The following ACOX2 variants were observed in gnomAD, a reference collection of about 807,000 sequenced individuals.
ACOX2 encodes peroxisomal acyl-coenzyme A oxidase 2.
ACOX2 carries 59 observed loss-of-function variants against 77.5 expected under a neutral mutation model. The observed-to-expected ratio is 0.76, with a 90% CI of 0.62 to 0.95. The LOEUF is 0.95. ACOX2 is among the 40% of genes least tolerant of loss of function. ACOX2 has a pLI of 0.00. For synonymous variants in ACOX2, 317 were observed against 340.1 expected, an observed-to-expected ratio of 0.93 and a Z score of 0.75; for missense variants, 837 against 880.4, an observed-to-expected ratio of 0.95 and a Z score of 0.62.
Position 58,524,509 on chromosome 3 carries a change from G to A in ACOX2, c.1443C>T (p.Asp481=). 2.5e-6 allele frequency: 4 copies of A among 1,614,240 alleles called. No individual in the cohort carries two copies. ...CCCTCTGGGCTGGACACCTGGCCAG[G>A]TCAGGTGCGGTGAGATATGCGACAG... ...SPSVAYLTAP[D]LARCPAQRAA... The change falls in exon 11 of 15, where the codon GAC becomes GAT. Residue 481 remains aspartate, a synonymous_variant. Transcript: ENST00000302819. The surrounding 1 kb of genome is among the most constrained non-coding windows in gnomAD (Gnocchi z 5.5).
chr3:58,534,362 G>C lies in ACOX2; in HGVS notation c.321C>G (p.Tyr107Ter). 6.2e-7 allele frequency: 1 copy of C among 1,614,202 alleles called. No individual in the cohort carries two copies. Among genetic ancestry groups the C allele is most frequent in the Non-Finnish European group, 8.5e-7 (1 of 1,180,030 alleles). The change falls in exon 3 of 15, where the codon TAC becomes TAG. Residue 107 changes from tyrosine to a stop codon, truncating the protein, a stop_gained and splice_region_variant. Transcript: ENST00000302819. LOFTEE classifies it high-confidence loss of function. This position sits in a 1 kb window ranked among gnomAD's most constrained non-coding sequence, Gnocchi z 4.8. The part of the protein sequence containing the change: ...LEDGRELGYA[Y>*]RALSGDVALN... The stretch of plus-strand genomic sequence containing the variant: ...GGGGCTGCTCGAGGAGTGAGCACCT[G>C]TAAGCGTAGCCTAATTCACGACCAT...
At chr3:58,511,191 A>G in intron 13 of ACOX2, 7 of 338,978 alleles carry the variant, frequency 2.1e-5, no homozygotes, top group South Asian at 1.1e-4. Context: ...CCTCTTGCAT[A>G]CTGGAGAACA....
chr3:58,516,095 C>A (rs1359085985), intron 13 of ACOX2, among the ~76,000 whole-genome samples: 1 of 152,032 alleles, frequency 6.6e-6, no homozygotes, highest in Non-Finnish European at 1.5e-5. Flanking sequence ...TGTGAAAGCA[C>A]TGCATTAGTA....
At position 58,514,451 on chromosome 3, in the gene ACOX2, C is replaced by A. The variant is rs1014061129; in HGVS notation, c.1850+2755G>T. 2.0e-5 allele frequency among the ~76,000 whole-genome samples: 3 copies of A among 152,188 alleles called. No homozygotes were observed. The highest frequency in any genetic ancestry group is 7.2e-5 in the African/African-American group (3 of 41,444). On this transcript the variant is annotated intron_variant, in intron 13 of 14. Transcript: ENST00000302819. The surrounding 1 kb of genome is among the most constrained non-coding windows in gnomAD (Gnocchi z 4.3). ...ACTAAAAACTGTTTGGGTCAGTTAA[C>A]ATTGCAGAGAGCTTGTTCTTGGCAT...
Position 58,526,415 on chromosome 3 carries a change from T to G in ACOX2, c.1346+51A>C. The G allele has an allele frequency of 6.5e-7, 1 of 1,540,552 alleles. No individual in the cohort carries two copies. Among genetic ancestry groups the G allele is most frequent in the Non-Finnish European group, 8.8e-7 (1 of 1,140,818 alleles). Reference sequence around the variant, plus strand: ...CGGAACCCTCCACCCAACAGAAGCTTGGTGGGTCCCCAAGGGCTTGGGCAA... The same window carrying G: ...CGGAACCCTCCACCCAACAGAAGCTGGGTGGGTCCCCAAGGGCTTGGGCAA... On this transcript the variant is annotated intron_variant, in intron 10 of 14. Transcript: ENST00000302819. The surrounding 1 kb of genome is among the most constrained non-coding windows in gnomAD (Gnocchi z 4.3).
chr3:58,531,133 T>G lies in ACOX2; in HGVS notation c.819+118A>C. 1.2e-6 allele frequency: 1 copy of G among 825,038 alleles called. No homozygotes were observed. Among genetic ancestry groups the G allele is most frequent in the Non-Finnish European group, 1.9e-6 (1 of 523,798 alleles). The allele number at this position is 825,038 out of a possible 1,614,324, so 51.1% of individuals were successfully genotyped here. On this transcript the variant is annotated intron_variant, in intron 7 of 14. Coordinates refer to ENST00000302819, the MANE Select transcript of ACOX2 (RefSeq NM_003500.4). The surrounding 1 kb of genome is among the most constrained non-coding windows in gnomAD (Gnocchi z 5.8). ...ATCTGTGGGATATCAGAGCCTCTCT[T>G]GGGGGAGGAGGTTATGTGGCCCAAA...
intron 5 of ACOX2, among the ~76,000 whole-genome samples, chr3:58,532,718 G>T (rs373996802): frequency 6.6e-6 from 1 of 152,102 alleles, no homozygotes; most frequent in East Asian, 1.9e-4. Context: ...GTCTCTGCCT[G>T]TGTCTCCCTC....
chr3:58,533,663 C>A lies in ACOX2; in HGVS notation c.476-111G>T. The A allele has an allele frequency of 1.1e-6, 1 of 909,758 alleles. No individual in the cohort carries two copies. The highest frequency in any genetic ancestry group is 1.5e-5 in the South Asian group (1 of 65,704). The allele number at this position is 909,758 out of a possible 1,614,324, so 56.4% of individuals were successfully genotyped here. A position where few individuals can be genotyped will look rare whatever the true frequency, so the allele number is the denominator to read the frequency against. The stretch of plus-strand genomic sequence containing the variant: ...GGCATCAGCGCAGTATGGAGTGGGG[C>A]CCAGCTCCCAGCTGTACTTGCAGGC... On this transcript the variant is annotated intron_variant, in intron 4 of 14. Transcript: ENST00000302819. The surrounding 1 kb of genome is among the most constrained non-coding windows in gnomAD (Gnocchi z 5.6).
At chr3:58,527,314 G>C (rs2063402640) in intron 9 of ACOX2, among the ~76,000 whole-genome samples, 1 of 152,032 alleles carries the variant, frequency 6.6e-6, no homozygotes, top group South Asian at 2.1e-4. Context: ...AAGGCAGGTG[G>C]ATCACGAGGT....
intron 12 of ACOX2, among the ~76,000 whole-genome samples, chr3:58,518,995 A>T (rs2063340865): frequency 6.6e-6 from 1 of 152,298 alleles, no homozygotes; most frequent in African/African-American, 2.4e-5. Flanking sequence ...GTCAAAATGC[A>T]GATTCCAGGG....
At position 58,534,511 on chromosome 3, in the gene ACOX2, G is replaced by T. The variant is rs147361432; in HGVS notation, c.172C>A (p.His58Asn). 5.5e-5 allele frequency: 88 copies of T among 1,614,074 alleles called. No individual in the cohort carries two copies. Among genetic ancestry groups the T allele is most frequent in the Middle Eastern group, 3.3e-4 (2 of 6,084 alleles). Residue 58 changes from histidine to asparagine, a missense_variant, in exon 3 of 15, where the codon CAC becomes AAC. By Grantham distance (68) the His-to-Asn change is moderately conservative (BLOSUM62 1). Transcript: ENST00000302819. The surrounding 1 kb of genome is among the most constrained non-coding windows in gnomAD (Gnocchi z 4.8). Reference sequence around the variant, plus strand: ...TTACAGCTAAACTCCGGGTAACTGTGGATGATGCTCTCTGCAGAGGACAGA... The same window carrying T: ...TTACAGCTAAACTCCGGGTAACTGTTGATGATGCTCTCTGCAGAGGACAGA... ...ALRRKVESIIHSYPEFSCKDN... is the reference protein window; with the variant it reads ...ALRRKVESIINSYPEFSCKDN...
chr3:58,524,530 G>T lies in ACOX2; in HGVS notation c.1422C>A (p.Val474=). The T allele has an allele frequency of 1.2e-6, 2 of 1,614,174 alleles. No homozygotes were observed. The highest frequency in any genetic ancestry group is 1.7e-5 in the Admixed American group (1 of 60,026). ...CCAGGTCAGGTGCGGTGAGATATGC[G>T]ACAGATGGAGAGAGAGATCTCTGTG... ...STPQRSLSPS[V]AYLTAPDLAR... Residue 474 remains valine (V), a synonymous_variant, in exon 11 of 15, where the codon GTC becomes GTA. Coordinates refer to ENST00000302819, the MANE Select transcript of ACOX2 (RefSeq NM_003500.4). This position sits in a 1 kb window ranked among gnomAD's most constrained non-coding sequence, Gnocchi z 5.5.
rs189515863 is a variant in ACOX2 at position 58,517,638 on chromosome 3, G to A, written c.1633-215C>T. Among the ~76,000 whole-genome samples, 712 of 142,920 alleles carry A rather than the reference G, an allele frequency of 5.0e-3. 8 individuals carry two copies. The highest frequency in any genetic ancestry group is 0.017 in the African/African-American group (681 of 39,252). 93.8% of individuals were successfully genotyped at this position (142,920 alleles called of 152,430 possible). ...TGGGGGGGGGAGCGGGGACGGGGGG[G>A]ACTGGTGGGCTTTGAAACATGGCCC... On this transcript the variant is annotated intron_variant, in intron 12 of 14. Coordinates refer to ENST00000302819, the MANE Select transcript of ACOX2 (RefSeq NM_003500.4).
intron 13 of ACOX2, among the ~76,000 whole-genome samples, chr3:58,513,658 C>G (rs1489995788): frequency 6.6e-6 from 1 of 151,248 alleles, no homozygotes; most frequent in African/African-American, 2.4e-5. Context: ...GTTTTCTTCT[C>G]CCTGTGGATT....
At position 58,534,490 on chromosome 3, in the gene ACOX2, A is replaced by G; in HGVS notation, c.193T>C (p.Cys65Arg). Residue 65 changes from cysteine to arginine, a missense_variant, in exon 3 of 15, where the codon TGT becomes CGT. By Grantham distance (180) the Cys-to-Arg change is radical. Transcript: ENST00000302819. The surrounding 1 kb of genome is among the most constrained non-coding windows in gnomAD (Gnocchi z 4.8). ...TGGGTCATGAAATAATTGTCCTTAC[A>G]GCTAAACTCCGGGTAACTGTGGATG... ...SIIHSYPEFSCKDNYFMTQNE... is the reference protein window; with the variant it reads ...SIIHSYPEFSRKDNYFMTQNE... 6.2e-7 allele frequency: 1 copy of G among 1,614,190 alleles called. No individual in the cohort carries two copies. The highest frequency in any genetic ancestry group is 8.5e-7 in the Non-Finnish European group (1 of 1,180,040).
rs1237230700 is a variant in ACOX2, at chr3:58,522,354, A to T, written c.1632+142T>A. 1.5e-5 allele frequency: 11 copies of T among 726,618 alleles called. No homozygotes were observed. In the Admixed American group the frequency reaches 2.9e-4, roughly 19 times the overall value. 45.0% of individuals were successfully genotyped at this position (726,618 alleles called of 1,614,324 possible). On this transcript the variant is annotated intron_variant, in intron 12 of 14. Transcript: ENST00000302819. This position sits in a 1 kb window ranked among gnomAD's most constrained non-coding sequence, Gnocchi z 4.3. ...AAGTCCTTTAATTAAAATACCCTGG[A>T]CTAAAGCCTTGGAAGTGAAATGAGG...
chr3:58,529,033 C>A, intron 8 of ACOX2, 77 bp from the exon 9 acceptor site: 2 of 1,440,706 alleles, frequency 1.4e-6, no homozygotes, highest in South Asian at 3.1e-5. Flanking sequence ...ACCATAAAAA[C>A]CTTAAAAACA....
At chr3:58,520,654 C>T (rs1375655537) in intron 12 of ACOX2, among the ~76,000 whole-genome samples, 1 of 152,190 alleles carries the variant, frequency 6.6e-6, no homozygotes, top group Non-Finnish European at 1.5e-5. Flanking sequence ...TAGATGGGGC[C>T]CAGTTGGGTG....
chr3:58,531,589 A>C lies in ACOX2; in HGVS notation c.703+104T>G. On this transcript the variant is annotated intron_variant, in intron 6 of 14. Transcript: ENST00000302819. The surrounding 1 kb of genome is among the most constrained non-coding windows in gnomAD (Gnocchi z 5.8). The stretch of plus-strand genomic sequence containing the variant: ...AACTGGACCGCTCCCTGCCCAAGGG[A>C]GACATGTCTTAGCTACTCCTGTGGC... 1.5e-4 allele frequency: 215 copies of C among 1,455,762 alleles called. No homozygotes were observed. The highest frequency in any genetic ancestry group is 1.8e-4 in the Non-Finnish European group (188 of 1,070,016). The allele number at this position is 1,455,762 out of a possible 1,614,324, so 90.2% of individuals were successfully genotyped here.
Sources: allele counts gnomAD v4.1 joint callset (sites outside exome capture counted in the v4.1 genomes callset), GRCh38; gene constraint gnomAD v4.1.1; non-coding constraint Gnocchi (gnomAD v3.1); transcripts MANE v1.5; gene names NCBI Gene and HGNC (gene_info 2026-07-23, HGNC 2026-07-21).